The following THSD7B variants were observed in gnomAD, a reference collection of about 807,000 sequenced individuals.
THSD7B encodes thrombospondin type-1 domain-containing protein 7B.
Under a neutral mutation model 213.6 loss-of-function variants are expected in THSD7B, and 138 were observed. The observed-to-expected ratio is 0.65, with a 90% CI of 0.56 to 0.74. The LOEUF (loss-of-function observed/expected upper bound fraction) is 0.74. THSD7B is among the 30% of genes least tolerant of loss of function. THSD7B has a pLI of 0.00. For synonymous variants in THSD7B, 742 were observed against 687.0 expected (o/e 1.08, Z -1.25); for missense variants, 1,931 against 1,991.5 (o/e 0.97, Z 0.58).
chr2:137,166,086 G>A (rs1573863255), intron 6 of THSD7B, among the ~76,000 whole-genome samples: 1 of 152,146 alleles, frequency 6.6e-6, no homozygotes, highest in East Asian at 1.9e-4. Flanking sequence ...AATCATGGAA[G>A]GCTTGTGGCT....
intron 2 of THSD7B, among the ~76,000 whole-genome samples, chr2:136,954,877 A>G (rs556020274): frequency 1.3e-5 from 2 of 152,248 alleles, no homozygotes; most frequent in East Asian, 1.9e-4. Flanking sequence ...CATAAAATAT[A>G]TATAGATACA....
intron 2 of THSD7B, among the ~76,000 whole-genome samples, chr2:136,932,140 A>G (rs1263056287): frequency 6.6e-6 from 1 of 152,172 alleles, no homozygotes; most frequent in African/African-American, 2.4e-5. Context: ...TAACACACTA[A>G]TTATTGATAA....
chr2:137,244,409 G>A (rs1308700571), intron 10 of THSD7B, among the ~76,000 whole-genome samples: 1 of 152,190 alleles, frequency 6.6e-6, no homozygotes, highest in Non-Finnish European at 1.5e-5. Flanking sequence ...TAGGGAAGCA[G>A]ATTAACTTTG....
chr2:136,873,021 T>TAAAAAAAAA (rs1553454610), intron 1 of THSD7B, among the ~76,000 whole-genome samples: 29 of 43,436 alleles, frequency 6.7e-4, no homozygotes, highest in East Asian at 5.4e-3. Flanking sequence ...AGACTCCATC[T>TAAAAAAAAA]AAAAAAAAAA....
At chr2:137,183,442 T>C (rs1190877423) in intron 7 of THSD7B, among the ~76,000 whole-genome samples, 1 of 152,182 alleles carries the variant, frequency 6.6e-6, no homozygotes. Flanking sequence ...GAGTGTCTGG[T>C]AATCTTCAGT....
intron 12 of THSD7B, among the ~76,000 whole-genome samples, chr2:137,355,434 T>A (rs1258225378): frequency 6.6e-6 from 1 of 152,182 alleles, no homozygotes; most frequent in Non-Finnish European, 1.5e-5. Context: ...ACACAAAGTT[T>A]TTCTTTTGTA....
At chr2:137,496,431 C>T (rs1189514744) in intron 15 of THSD7B, among the ~76,000 whole-genome samples, 2 of 152,152 alleles carry the variant, frequency 1.3e-5, no homozygotes, top group Non-Finnish European at 2.9e-5. Context: ...ATTTTGTCCC[C>T]TCCCAATAAT....
chr2:137,516,887 G>A (rs1028355517), intron 15 of THSD7B, among the ~76,000 whole-genome samples: 1 of 152,178 alleles, frequency 6.6e-6, no homozygotes, highest in Non-Finnish European at 1.5e-5. Flanking sequence ...CACCATCAAG[G>A]ACTTGAAAGA....
At position 137,117,128 on chromosome 2, in the gene THSD7B, C is replaced by A. The variant is rs527818341; in HGVS notation, c.1369+1835C>A. ...ACAGCTGCCATAAAGGCACTGTATA[C>A]AGCTTACTGCTTACCTTAGTAGTTG... On this transcript the variant is annotated intron_variant, in intron 5 of 27. Transcript: ENST00000409968. Among the ~76,000 whole-genome samples, 13 of 152,296 alleles carry A rather than the reference C, an allele frequency of 8.5e-5. No homozygotes were observed. In the South Asian group the frequency reaches 2.7e-3, roughly 32 times the overall value.
chr2:137,496,504 T>A (rs1679572028), intron 15 of THSD7B, among the ~76,000 whole-genome samples: 1 of 152,200 alleles, frequency 6.6e-6, no homozygotes, highest in Non-Finnish European at 1.5e-5. Context: ...GACTCTCAAA[T>A]GTATAGCCAG....
chr2:136,891,467 T>C (rs1683858167), intron 2 of THSD7B, among the ~76,000 whole-genome samples: 1 of 152,224 alleles, frequency 6.6e-6, no homozygotes, highest in African/African-American at 2.4e-5. Flanking sequence ...CAGAGTTTTT[T>C]CTCTGGAAGT....
intron 2 of THSD7B, among the ~76,000 whole-genome samples, chr2:136,927,147 A>T (rs1316870067): frequency 6.7e-6 from 1 of 149,972 alleles, no homozygotes; most frequent in South Asian, 2.1e-4. Context: ...GGAACTATTT[A>T]TCCTTCTAGG....
intron 12 of THSD7B, among the ~76,000 whole-genome samples, chr2:137,285,530 G>A (rs1683150629): frequency 6.7e-6 from 1 of 149,608 alleles, no homozygotes; most frequent in South Asian, 2.1e-4. Context: ...TTTTTGCAGT[G>A]TAGCTGGTAC....
intron 15 of THSD7B, among the ~76,000 whole-genome samples, chr2:137,549,679 C>T (rs956843089): frequency 1.3e-5 from 2 of 151,962 alleles, no homozygotes; most frequent in African/African-American, 4.8e-5. Flanking sequence ...TGATTAGGAA[C>T]TCCTTATTTC....
chr2:137,603,273 G>A (rs1406299395), intron 17 of THSD7B, among the ~76,000 whole-genome samples: 6 of 152,094 alleles, frequency 3.9e-5, no homozygotes, highest in Non-Finnish European at 8.8e-5. Context: ...AATTACATGG[G>A]GTAAATCTGA....
chr2:137,491,944 G>A (rs1679419833), intron 15 of THSD7B, among the ~76,000 whole-genome samples: 1 of 151,890 alleles, frequency 6.6e-6, no homozygotes, highest in Admixed American at 6.6e-5. Context: ...GTTGGTCTTT[G>A]AAAAATGTAG....
Position 137,615,852 on chromosome 2 carries a change from T to C in THSD7B, c.3424-323T>C, listed in dbSNP as rs1038821578. On this transcript the variant is annotated intron_variant, in intron 17 of 27. Coordinates refer to ENST00000409968, the MANE Select transcript of THSD7B (RefSeq NM_001316349.2). ...AAAAAGCATTTAAACATTCAAAATA[T>C]ACGGATCTCTTACATTGTTGCAGAC... 2.6e-5 allele frequency among the ~76,000 whole-genome samples: 4 copies of C among 152,232 alleles called. No individual in the cohort carries two copies. In the South Asian group the frequency reaches 8.3e-4, roughly 32 times the overall value.
At chr2:136,866,067 G>A (rs1310086297) in intron 1 of THSD7B, among the ~76,000 whole-genome samples, 2 of 152,152 alleles carry the variant, frequency 1.3e-5, no homozygotes, top group Non-Finnish European at 2.9e-5. Flanking sequence ...ATTGCCTCTG[G>A]TTCCCCAAAA....
intron 17 of THSD7B, among the ~76,000 whole-genome samples, chr2:137,587,022 GT>G (rs1681748073): frequency 6.6e-6 from 1 of 152,194 alleles, no homozygotes; most frequent in Non-Finnish European, 1.5e-5. Context: ...TTTCTTGGAG[GT>G]TTTGTTCATT....
Sources: gnomAD v4.1 joint callset for allele counts (sites outside exome capture counted in the v4.1 genomes callset) on GRCh38, gnomAD v4.1.1 for gene constraint, MANE v1.5 for transcripts, NCBI Gene and HGNC (gene_info 2026-07-23, HGNC 2026-07-21) for gene names.